Variants in PTPN11 observed in about 807,000 individuals in gnomAD.
The protein encoded by PTPN11 is tyrosine-protein phosphatase non-receptor type 11.
A neutral mutation model predicts 78.8 loss-of-function variants in PTPN11; 6 were observed. The observed-to-expected ratio is 0.08, with a 90% CI of 0.04 to 0.15. PTPN11 has a LOEUF of 0.15. Ranked by LOEUF, PTPN11 falls within the 10% of genes least tolerant of loss-of-function variation. PTPN11 has a pLI of 1.00. For missense variants in PTPN11, 386 were observed against 744.8 expected (o/e 0.52, Z 5.61); for synonymous variants, 221 against 263.5 (o/e 0.84, Z 1.56).
At chr12:112,503,069 CATGGCCTGTTACTGT>C (rs2038895557) in intron 14 of PTPN11, among the ~76,000 whole-genome samples, 1 of 152,204 alleles carries the variant, frequency 6.6e-6, no homozygotes, top group African/African-American at 2.4e-5. Context: ...AGATGTGGGC[CATGGCCTGTTACTGT>C]ATGGCCTGTT....
At chr12:112,421,699 A>G (rs1357305255) in intron 1 of PTPN11, among the ~76,000 whole-genome samples, 1 of 151,940 alleles carries the variant, frequency 6.6e-6, no homozygotes, top group Non-Finnish European at 1.5e-5. Context: ...CAGTGGTGCA[A>G]TCACTGCAGC....
intron 13 of PTPN11, among the ~76,000 whole-genome samples, chr12:112,496,016 C>T (rs977966065): frequency 6.6e-6 from 1 of 152,154 alleles, no homozygotes; most frequent in Non-Finnish European, 1.5e-5. Context: ...AAATAAAGCT[C>T]CATCTCTTGG....
intron 2 of PTPN11, among the ~76,000 whole-genome samples, chr12:112,449,913 A>G (rs2038054591): frequency 6.6e-6 from 1 of 152,070 alleles, no homozygotes; most frequent in South Asian, 2.1e-4. Context: ...TAAAAATACA[A>G]AAGTAGCTGA....
chr12:112,475,370 G>A (rs1049851547), intron 7 of PTPN11, among the ~76,000 whole-genome samples: 1 of 151,884 alleles, frequency 6.6e-6, no homozygotes, highest in Non-Finnish European at 1.5e-5. Context: ...AGAAAAATTT[G>A]TCTGAGGCCT....
At chr12:112,489,217 C>A (rs1445208095) in intron 13 of PTPN11, 42 bp downstream of exon 13, 2 of 1,610,994 alleles carry the variant, frequency 1.2e-6, no homozygotes, top group Non-Finnish European at 1.7e-6. Context: ...CATTCTCTTG[C>A]TAGGCCTCTT....
chr12:112,471,862 C>T (rs561274128), intron 6 of PTPN11, among the ~76,000 whole-genome samples: 14 of 152,074 alleles, frequency 9.2e-5, no homozygotes, highest in Admixed American at 3.3e-4. Context: ...AAGCGATTCT[C>T]GTGCCTCAGC....
At chr12:112,452,395 T>G (rs930374039) in intron 3 of PTPN11, among the ~76,000 whole-genome samples, 3 of 151,950 alleles carry the variant, frequency 2.0e-5, no homozygotes, top group Admixed American at 6.6e-5. Flanking sequence ...CCCGGCCAAT[T>G]TTGTATTTTT....
At chr12:112,436,054 A>G (rs1470242405) in intron 1 of PTPN11, among the ~76,000 whole-genome samples, 1 of 152,124 alleles carries the variant, frequency 6.6e-6, no homozygotes, top group Non-Finnish European at 1.5e-5. Context: ...AGAAAAAAAA[A>G]TTCAGTTGTG....
intron 13 of PTPN11, among the ~76,000 whole-genome samples, chr12:112,495,759 T>C (rs1041787916): frequency 2.0e-5 from 3 of 152,210 alleles, no homozygotes; most frequent in Non-Finnish European, 4.4e-5. Context: ...TACATTAGCC[T>C]ACAGTTGGGC....
chr12:112,421,717 T>C (rs2037524384), intron 1 of PTPN11, among the ~76,000 whole-genome samples: 1 of 152,236 alleles, frequency 6.6e-6, no homozygotes, highest in African/African-American at 2.4e-5. Context: ...AGCCTTGTTT[T>C]CCTAGGCTCA....
intron 7 of PTPN11, among the ~76,000 whole-genome samples, chr12:112,474,146 C>T (rs1229335538): frequency 2.0e-5 from 3 of 152,010 alleles, no homozygotes; most frequent in East Asian, 3.9e-4. Context: ...GTTAGGAGTT[C>T]GAGAGTAGCC....
At chr12:112,497,988 A>G (rs913205557) in intron 13 of PTPN11, among the ~76,000 whole-genome samples, 17 of 152,108 alleles carry the variant, frequency 1.1e-4, no homozygotes, top group African/African-American at 4.1e-4. Flanking sequence ...CCCTGTCTCT[A>G]TCAAAAATAC....
chr12:112,474,327 C>T (rs1429210662), intron 7 of PTPN11, among the ~76,000 whole-genome samples: 1 of 152,128 alleles, frequency 6.6e-6, no homozygotes, highest in African/African-American at 2.4e-5. Flanking sequence ...TGCACCACTG[C>T]ACTCCAGGCT....
intron 1 of PTPN11, among the ~76,000 whole-genome samples, chr12:112,425,612 G>A (rs2037604712): frequency 1.3e-5 from 2 of 152,186 alleles, no homozygotes; most frequent in Non-Finnish European, 2.9e-5. Context: ...CAGCATTGAA[G>A]TCTGGGCTTT....
At chr12:112,441,060 GTTCAAGCGA>G (rs2037882275) in intron 1 of PTPN11, among the ~76,000 whole-genome samples, 1 of 150,816 alleles carries the variant, frequency 6.6e-6, no homozygotes, top group Admixed American at 6.6e-5. Context: ...CGCTTCCCGG[GTTCAAGCGA>G]TTCTTCTGCC....
chr12:112,478,895 G>A (rs1198129365), intron 9 of PTPN11, among the ~76,000 whole-genome samples: 1 of 152,114 alleles, frequency 6.6e-6, no homozygotes, highest in African/African-American at 2.4e-5. Flanking sequence ...ACCACGCCTG[G>A]CTAATTTTTG....
At chr12:112,478,588 T>C (rs1465630766) in intron 9 of PTPN11, among the ~76,000 whole-genome samples, 1 of 152,236 alleles carries the variant, frequency 6.6e-6, no homozygotes, top group Non-Finnish European at 1.5e-5. Flanking sequence ...TTCTGCAATA[T>C]GTCATCCGCT....
intron 7 of PTPN11, among the ~76,000 whole-genome samples, chr12:112,475,520 G>C (rs970500138): frequency 6.6e-6 from 1 of 152,148 alleles, no homozygotes; most frequent in African/African-American, 2.4e-5. Context: ...TTCCCAAAGT[G>C]CTGGGATTAC....
At chr12:112,424,677 A>T (rs570870473) in intron 1 of PTPN11, among the ~76,000 whole-genome samples, 27 of 152,258 alleles carry the variant, frequency 1.8e-4, no homozygotes, top group African/African-American at 6.5e-4. Context: ...CACTGCCATT[A>T]AAAAGCTGCT....
Sources: allele counts gnomAD v4.1 joint callset (sites outside exome capture counted in the v4.1 genomes callset), GRCh38; gene constraint gnomAD v4.1.1; transcripts MANE v1.5; gene names NCBI Gene and HGNC (gene_info 2026-07-23, HGNC 2026-07-21).